The following RECK variants were observed in gnomAD, a reference collection of about 807,000 sequenced individuals.
The protein encoded by RECK is reversion inducing cysteine rich protein with kazal motifs.
Under a neutral mutation model 115.1 loss-of-function variants are expected in RECK, and 69 were observed. The observed-to-expected ratio is 0.60, with a 90% CI of 0.49 to 0.73. The LOEUF (loss-of-function observed/expected upper bound fraction) is 0.73. Ranked by LOEUF, RECK falls within the 30% of genes least tolerant of loss-of-function variation. The pLI, the probability that RECK is intolerant of heterozygous loss-of-function variation, is 0.00. For missense variants in RECK, 1,047 were observed against 1,203.7 expected (o/e 0.87, Z 1.93); for synonymous variants, 414 against 419.7 (o/e 0.99, Z 0.17).
intron 1 of RECK, among the ~76,000 whole-genome samples, chr9:36,047,670 A>T (rs1300988187): frequency 6.6e-6 from 1 of 152,288 alleles, no homozygotes; most frequent in East Asian, 1.9e-4. Flanking sequence ...AAGTAACTAC[A>T]GCCTTACTAC....
At chr9:36,089,634 ATCATG>A (rs1178216591) in intron 9 of RECK, among the ~76,000 whole-genome samples, 1 of 152,228 alleles carries the variant, frequency 6.6e-6, no homozygotes, top group Non-Finnish European at 1.5e-5. Context: ...AAAACTTTGT[ATCATG>A]CACAAAATTA....
intron 10 of RECK, among the ~76,000 whole-genome samples, chr9:36,092,183 T>C (rs1302705079): frequency 6.6e-6 from 1 of 152,182 alleles, no homozygotes; most frequent in Non-Finnish European, 1.5e-5. Context: ...ATTTAGAGAT[T>C]GAGTACATCT....
At position 36,118,786 on chromosome 9, in the gene RECK, T is replaced by C. The variant is rs776143629; in HGVS notation, c.2283T>C (p.Cys761=). ...TTTGCAGAGCAACCGAGCCCGTATG[T>C]GGGCACAATGGTGAGACCTACAGCA... ...QPFCRATEPV[C]GHNGETYSSV... The change falls in exon 18 of 21, where the codon TGT becomes TGC. Residue 761 remains cysteine (C), a synonymous_variant. Coordinates refer to ENST00000377966, the MANE Select transcript of RECK (RefSeq NM_021111.3). The C allele has an allele frequency of 6.2e-7, 1 of 1,614,132 alleles. No individual in the cohort carries two copies. The highest frequency in any genetic ancestry group is 1.7e-5 in the Admixed American group (1 of 60,016).
At position 36,107,288 on chromosome 9, in the gene RECK, A is replaced by G. The variant is rs181184830; in HGVS notation, c.1577-688A>G. Among the ~76,000 whole-genome samples the G allele has an allele frequency of 1.4e-4, 21 of 152,000 alleles. No individual in the cohort carries two copies. In the East Asian group the frequency reaches 3.9e-3, roughly 28 times the overall value. On this transcript the variant is annotated intron_variant, in intron 13 of 20. Coordinates refer to ENST00000377966, the MANE Select transcript of RECK (RefSeq NM_021111.3). ...TCCATCACTAAAAGTTTTTCTGAAC[A>G]ATATTATTCTAAAAATACTGGCCAG...
At chr9:36,062,600 C>T (rs1821820807) in intron 4 of RECK, among the ~76,000 whole-genome samples, 1 of 152,054 alleles carries the variant, frequency 6.6e-6, no homozygotes, top group African/African-American at 2.4e-5. Flanking sequence ...ACCTCACCCT[C>T]CCGAGTAGTT....
intron 6 of RECK, among the ~76,000 whole-genome samples, chr9:36,073,763 A>G (rs1384588352): frequency 6.6e-6 from 1 of 152,142 alleles, no homozygotes; most frequent in East Asian, 1.9e-4. Flanking sequence ...TGCTACTTAT[A>G]GTTTCCCAGA....
At chr9:36,040,638 T>TG (rs1158618995) in intron 1 of RECK, among the ~76,000 whole-genome samples, 1 of 151,854 alleles carries the variant, frequency 6.6e-6, no homozygotes, top group Non-Finnish European at 1.5e-5. Flanking sequence ...ATTATTGTAG[T>TG]GGGGTAAGAG....
At chr9:36,112,284 G>C (rs371515458) in intron 15 of RECK, 21 bp from the exon 16 acceptor site, 2 of 1,610,238 alleles carry the variant, frequency 1.2e-6, no homozygotes, top group African/African-American at 1.3e-5. Flanking sequence ...ACATATTTTT[G>C]AGGCTGTTTC....
rs1554699507 is a variant in RECK at position 36,036,929 on chromosome 9, T to TAGCGGC, written c.-69_-64dup. The TAGCGGC allele has an allele frequency of 3.9e-6, 4 of 1,036,100 alleles. No individual in the cohort carries two copies. In the East Asian group the frequency reaches 1.0e-4, roughly 27 times the overall value. 64.2% of individuals were successfully genotyped at this position (1,036,100 alleles called of 1,614,324 possible). A position where few individuals can be genotyped will look rare whatever the true frequency, so the allele number is the denominator to read the frequency against. Reference sequence around the variant, plus strand: ...CGGGGCCTCGCGCGAGCGGCGGCGGTAGCGGCGGCAGCGGCTGCGGCCAAG... The same window carrying TAGCGGC: ...CGGGGCCTCGCGCGAGCGGCGGCGGTAGCGGCAGCGGCGGCAGCGGCTGCGGCCAAG... On this transcript the variant is annotated 5_prime_UTR_variant, in exon 1 of 21. Transcript: ENST00000377966.
intron 8 of RECK, among the ~76,000 whole-genome samples, chr9:36,084,661 C>G (rs935949767): frequency 6.6e-6 from 1 of 150,548 alleles, no homozygotes; most frequent in Non-Finnish European, 1.5e-5. Flanking sequence ...TGCCACAGCA[C>G]TCTAGCCTGG....
intron 4 of RECK, 115 bp downstream of exon 4, chr9:36,060,270 C>T (rs983421849): frequency 2.8e-6 from 3 of 1,059,630 alleles, no homozygotes. Context: ...CTATCCTCTC[C>T]TTCCCTTCAA....
At chr9:36,073,237 CACAG>C (rs761225479) in intron 6 of RECK, among the ~76,000 whole-genome samples, 19,292 of 98,942 alleles carry the variant, frequency 0.19, 1,330 homozygotes, top group South Asian at 0.28. Context: ...CACAGACACA[CACAG>C]ACACACACAC....
At chr9:36,053,441 A>C (rs556083390) in intron 2 of RECK, among the ~76,000 whole-genome samples, 1 of 152,244 alleles carries the variant, frequency 6.6e-6, no homozygotes, top group African/African-American at 2.4e-5. Context: ...AGACGTAGAA[A>C]GATTTTGCAA....
At chr9:36,113,093 C>A (rs1463568956) in intron 16 of RECK, among the ~76,000 whole-genome samples, 1 of 152,214 alleles carries the variant, frequency 6.6e-6, no homozygotes, top group Non-Finnish European at 1.5e-5. Flanking sequence ...GAGCTCCTTT[C>A]TCTGCTGTTT....
intron 10 of RECK, among the ~76,000 whole-genome samples, chr9:36,097,774 A>T (rs973316631): frequency 2.0e-5 from 3 of 152,230 alleles, no homozygotes; most frequent in African/African-American, 4.8e-5. Flanking sequence ...TGTAGAATCA[A>T]CCTGTATTCA....
At chr9:36,096,517 A>G (rs1823347497) in intron 10 of RECK, among the ~76,000 whole-genome samples, 1 of 152,216 alleles carries the variant, frequency 6.6e-6, no homozygotes, top group African/African-American at 2.4e-5. Flanking sequence ...AGCCTGGGCA[A>G]CACAGCAAAA....
intron 2 of RECK, among the ~76,000 whole-genome samples, chr9:36,055,181 A>T (rs1414670006): frequency 6.6e-6 from 1 of 152,176 alleles, no homozygotes; most frequent in African/African-American, 2.4e-5. Context: ...ATAAGCATTC[A>T]TCTTTCTTTT....
At chr9:36,089,104 C>T (rs1457139908) in intron 9 of RECK, among the ~76,000 whole-genome samples, 1 of 152,078 alleles carries the variant, frequency 6.6e-6, no homozygotes, top group Non-Finnish European at 1.5e-5. Context: ...CGTGAAAAAT[C>T]TCCAAAGAAA....
At chr9:36,116,334 G>A (rs1266013199) in intron 16 of RECK, among the ~76,000 whole-genome samples, 1 of 152,062 alleles carries the variant, frequency 6.6e-6, no homozygotes, top group Admixed American at 6.5e-5. Flanking sequence ...CTCCATGTTG[G>A]TCAGGCTGGT....
Sources: allele counts gnomAD v4.1 joint callset (sites outside exome capture counted in the v4.1 genomes callset), GRCh38; gene constraint gnomAD v4.1.1; transcripts MANE v1.5; gene names NCBI Gene and HGNC (gene_info 2026-07-23, HGNC 2026-07-21).